SRGAP2: variants seen among roughly 807,000 people sequenced by gnomAD.
The protein encoded by SRGAP2 is SLIT-ROBO Rho GTPase activating protein 2, also known as SLIT-ROBO Rho GTPase-activating protein 2.
SRGAP2 carries 15 observed loss-of-function variants against 57.2 expected under a neutral mutation model. The ratio of observed to expected loss-of-function variants is 0.26; its 90% confidence interval spans 0.18 to 0.40. The LOEUF is 0.40. Among genes scored for constraint, SRGAP2 ranks in the 10% least tolerant of loss-of-function variants. The pLI is 1.00. For synonymous variants in SRGAP2, 249 were observed against 248.0 expected, an observed-to-expected ratio of 1.00 and a Z score of -0.04; for missense variants, 520 against 669.6, an observed-to-expected ratio of 0.78 and a Z score of 2.47.
At chr1:206,289,582 G>GT (rs1178496469) in intron 2 of SRGAP2, among the ~76,000 whole-genome samples, 3,505 of 140,948 alleles carry the variant, frequency 0.025, 80 homozygotes, top group African/African-American at 0.066. Context: ...CAGCTGGACT[G>GT]TTTTTTTTTT....
chr1:206,450,537 G>A (rs1553375521), intron 19 of SRGAP2, 72 bp downstream of exon 19: 1 of 738,630 alleles, frequency 1.4e-6, no homozygotes, highest in African/African-American at 1.7e-5. Context: ...TATATCCTGT[G>A]CATCTGATGA....
At chr1:206,458,275 C>T in intron 21 of SRGAP2, 1 of 493,152 alleles carries the variant, frequency 2.0e-6, no homozygotes, top group South Asian at 1.6e-5. Context: ...TAGCTGGGGC[C>T]TTAGGTTTCT....
chr1:206,272,063 CT>C (rs1295612351), intron 2 of SRGAP2, among the ~76,000 whole-genome samples: 4 of 46,774 alleles, frequency 8.6e-5, no homozygotes, highest in African/African-American at 7.4e-4. Flanking sequence ...CTATAAGACC[CT>C]AGTCTTCCAG....
At chr1:206,256,543 A>T (rs1468190294) in intron 2 of SRGAP2, among the ~76,000 whole-genome samples, 3 of 148,894 alleles carry the variant, frequency 2.0e-5, no homozygotes, top group African/African-American at 7.6e-5. Context: ...CTAATAGATG[A>T]CAGGGAGAAT....
At chr1:206,331,745 G>T (rs1400829925) in intron 3 of SRGAP2, among the ~76,000 whole-genome samples, 6 of 106,152 alleles carry the variant, frequency 5.7e-5, no homozygotes, top group South Asian at 3.2e-4. Flanking sequence ...ACACTGATGG[G>T]TCTTGACTCT....
intron 2 of SRGAP2, among the ~76,000 whole-genome samples, chr1:206,239,126 C>G (rs1268076745): frequency 2.0e-5 from 3 of 149,484 alleles, no homozygotes; most frequent in Non-Finnish European, 3.0e-5. Context: ...GCAATCTTTA[C>G]AAACCCACTC....
At chr1:206,259,762 ATAAATTTATTAAATATTATTAAATATTAT>A in intron 2 of SRGAP2, among the ~76,000 whole-genome samples, 2 of 149,570 alleles carry the variant, frequency 1.3e-5, no homozygotes, top group African/African-American at 2.4e-5. Context: ...TTAAATATTA[ATAAATTTATTAAATATTATTAAATATTAT>A]TAAATTTATT....
At chr1:206,375,832 A>G (rs1655147512) in intron 4 of SRGAP2, among the ~76,000 whole-genome samples, 1 of 152,064 alleles carries the variant, frequency 6.6e-6, no homozygotes, top group Admixed American at 6.6e-5. Context: ...ACATCATGCC[A>G]AGGAATGGAT....
rs1469716909 is a variant in SRGAP2 at position 206,454,530 on chromosome 1, G to T, written c.2361-348G>T. On this transcript the variant is annotated intron_variant, in intron 20 of 22. Coordinates refer to ENST00000573034, the MANE Select transcript of SRGAP2 (RefSeq NM_015326.5). The surrounding 1 kb of genome is among the most constrained non-coding windows in gnomAD (Gnocchi z 4.3). ...ACCTCAGCCGATAAACCACAACCTGGACTTGCCGCCTCCTTCTCCAGGAGG... is the reference window on the plus strand; with the variant it reads ...ACCTCAGCCGATAAACCACAACCTGTACTTGCCGCCTCCTTCTCCAGGAGG... The T allele has an allele frequency of 7.3e-6, 3 of 413,660 alleles. No homozygotes were observed. Among genetic ancestry groups the T allele is most frequent in the Non-Finnish European group, 1.3e-5 (3 of 232,408 alleles). 25.6% of individuals were successfully genotyped at this position (413,660 alleles called of 1,614,324 possible). A position where few individuals can be genotyped will look rare whatever the true frequency, so the allele number is the denominator to read the frequency against.
intron 14 of SRGAP2, among the ~76,000 whole-genome samples, chr1:206,430,622 CAACTCCTTT>C (rs1477299458): frequency 6.6e-6 from 1 of 152,200 alleles, no homozygotes; most frequent in Non-Finnish European, 1.5e-5. Context: ...AGTTTGAAAA[CAACTCCTTT>C]CCCAATGTTG....
chr1:206,356,838 TCCTA>T (rs1676474706), intron 4 of SRGAP2, among the ~76,000 whole-genome samples: 1 of 148,846 alleles, frequency 6.7e-6, no homozygotes, highest in South Asian at 2.1e-4. Flanking sequence ...TTCTACTAGA[TCCTA>T]CCTTTCTTTG....
At chr1:206,392,665 G>A (rs1553350993) in intron 5 of SRGAP2, 24 bp from the exon 6 acceptor site, 5 of 739,282 alleles carry the variant, frequency 6.8e-6, no homozygotes, top group Non-Finnish European at 1.3e-5. Flanking sequence ...ACCTCTGGGG[G>A]TGGGGGTGGG....
chr1:206,307,916 G>T (rs1251005865), intron 3 of SRGAP2, among the ~76,000 whole-genome samples: 4 of 152,322 alleles, frequency 2.6e-5, no homozygotes, highest in South Asian at 2.1e-4. Flanking sequence ...GCAGGGGGGG[G>T]TGCTGAAGGG....
At chr1:206,270,633 C>A (rs1435041198) in intron 2 of SRGAP2, among the ~76,000 whole-genome samples, 4 of 147,662 alleles carry the variant, frequency 2.7e-5, no homozygotes, top group Non-Finnish European at 4.4e-5. Flanking sequence ...CATAGCTATG[C>A]AGTGGAATGC....
At chr1:206,453,809 C>T in intron 20 of SRGAP2, 1 of 306,776 alleles carries the variant, frequency 3.3e-6, no homozygotes, top group South Asian at 1.2e-4. Flanking sequence ...GCCACTCTTC[C>T]ACTTGCAAAT....
Position 206,462,095 on chromosome 1 carries a change from A to G in SRGAP2, c.*675A>G, listed in dbSNP as rs80104336. 1,946 of 152,376 alleles carry G rather than the reference A, an allele frequency of 0.013. 23 individuals are homozygous for G. The highest frequency in any genetic ancestry group is 0.026 in the South Asian group (124 of 4,818). 9.4% of individuals were successfully genotyped at this position (152,376 alleles called of 1,614,324 possible). A position where few individuals can be genotyped will look rare whatever the true frequency, so the allele number is the denominator to read the frequency against. Reference sequence around the variant, plus strand: ...CTAGCCTTTGAAATCTCTCCATCATATGAAACATAACGGGATGGGACAATC... The same window carrying G: ...CTAGCCTTTGAAATCTCTCCATCATGTGAAACATAACGGGATGGGACAATC... On this transcript the variant is annotated 3_prime_UTR_variant, in exon 23 of 23. Coordinates refer to ENST00000573034, the MANE Select transcript of SRGAP2 (RefSeq NM_015326.5).
In SRGAP2 at chr1:206,463,394, A is replaced by G. The variant is rs1664380746; in HGVS notation, c.*1974A>G. The G allele has an allele frequency of 6.6e-6, 1 of 152,526 alleles. No individual in the cohort carries two copies. The highest frequency in any genetic ancestry group is 2.4e-5 in the African/African-American group (1 of 41,394). 9.4% of individuals were successfully genotyped at this position (152,526 alleles called of 1,614,324 possible). On this transcript the variant is annotated 3_prime_UTR_variant, in exon 23 of 23. Coordinates refer to ENST00000573034, the MANE Select transcript of SRGAP2 (RefSeq NM_015326.5). The stretch of plus-strand genomic sequence containing the variant: ...GGTCCCAAGCCAACGGGGCTTTCAT[A>G]CCCAAGGATCTGTTTCCTTGCTGAA...
rs782515280 is a variant in SRGAP2 at position 206,446,224 on chromosome 1, A to G, written c.2024A>G (p.His675Arg). The change falls in exon 18 of 23, where the codon CAT becomes CGT. Residue 675 changes from histidine to arginine, a missense_variant. His to Arg is a conservative substitution (Grantham distance 29). Transcript: ENST00000573034. ...NELIKTIIIQ[H>R]ENIFPSPREL... ...CTGATCAAAACCATCATCATCCAGC[A>G]TGAGAACATCTTCCCAAGCCCCAGG... 1 of 780,968 alleles carries G rather than the reference A, an allele frequency of 1.3e-6. No homozygotes were observed. Among genetic ancestry groups the G allele is most frequent in the Non-Finnish European group, 2.4e-6 (1 of 418,008 alleles). 48.4% of individuals were successfully genotyped at this position (780,968 alleles called of 1,614,324 possible). A position where few individuals can be genotyped will look rare whatever the true frequency, so the allele number is the denominator to read the frequency against.
chr1:206,325,817 C>A (rs1361405686), intron 3 of SRGAP2, among the ~76,000 whole-genome samples: 2 of 152,060 alleles, frequency 1.3e-5, no homozygotes, highest in African/African-American at 2.4e-5. Context: ...CATAAAATTA[C>A]CTGACATGCT....
Sources: allele counts gnomAD v4.1 joint callset (sites outside exome capture counted in the v4.1 genomes callset), GRCh38; gene constraint gnomAD v4.1.1; non-coding constraint Gnocchi (gnomAD v3.1); transcripts MANE v1.5; gene names NCBI Gene and HGNC (gene_info 2026-07-23, HGNC 2026-07-21).